The following IKBIP variants were observed in gnomAD, a reference collection of about 807,000 sequenced individuals.
IKBIP encodes inhibitor of nuclear factor kappa-B kinase-interacting protein.
In IKBIP, 28 loss-of-function variants were observed where a neutral mutation model predicts 31.0. The observed-to-expected ratio is 0.90, with a 90% CI of 0.67 to 1.24. The LOEUF (loss-of-function observed/expected upper bound fraction) is 1.24, where lower values mean the gene tolerates loss of function less well. Ranked by LOEUF, IKBIP falls within the 50% of genes most tolerant of loss-of-function variation. The pLI, the probability that IKBIP is intolerant of heterozygous loss-of-function variation, is 0.00. For synonymous variants in IKBIP, 164 were observed against 160.3 expected (o/e 1.02, Z -0.17); for missense variants, 453 against 441.9 (o/e 1.03, Z -0.23).
At chr12:98,618,534 G>A (rs1215956611) in intron 2 of IKBIP, among the ~76,000 whole-genome samples, 1 of 151,844 alleles carries the variant, frequency 6.6e-6, no homozygotes, top group South Asian at 2.1e-4. Context: ...GCTGAAGTAG[G>A]AGAATGGCGT....
intron 2 of IKBIP, among the ~76,000 whole-genome samples, chr12:98,627,887 G>C (rs2097616351): frequency 6.6e-6 from 1 of 152,144 alleles, no homozygotes; most frequent in Non-Finnish European, 1.5e-5. Context: ...CTAGAATCAG[G>C]TCTTACAGAT....
intron 2 of IKBIP, chr12:98,614,393 T>G: frequency 1.1e-6 from 1 of 926,500 alleles, no homozygotes; most frequent in Non-Finnish European, 1.5e-6. Context: ...GCTTACCATT[T>G]AAAATTCATC....
Position 98,626,226 on chromosome 12 carries a change from T to C in IKBIP, c.838A>G (p.Ile280Val), listed in dbSNP as rs548309275. Residue 280 changes from isoleucine (I) to valine (V), a missense_variant, in exon 3 of 3, where the codon ATT (isoleucine) becomes GTT (valine). By Grantham distance (29) the Ile-to-Val change is conservative (BLOSUM62 3). Coordinates refer to ENST00000299157, the MANE Select transcript of IKBIP (RefSeq NM_153687.4). ...TGAGAGACTCTGAGAACAGAGTGAA[T>C]AGCACTTTCAATTGTTGGCAAATGT... The part of the protein sequence containing the change: ...KTHLPTIESA[I>V]HSVLRVSQDL... 67 of 1,614,186 alleles carry C rather than the reference T, an allele frequency of 4.2e-5. No homozygotes were observed. The South Asian group carries it at 6.3e-4, about 15-fold the overall frequency.
chr12:98,627,967 T>G (rs1183463352), intron 2 of IKBIP, among the ~76,000 whole-genome samples: 1 of 152,224 alleles, frequency 6.6e-6, no homozygotes, highest in Non-Finnish European at 1.5e-5. Context: ...GTGTTTTAAG[T>G]ATTTGTAAAT....
At position 98,624,961 on chromosome 12, in the gene IKBIP, C is replaced by T. The variant is rs1013409486; in HGVS notation, c.*969G>A. 2.7e-5 allele frequency: 8 copies of T among 300,886 alleles called. No homozygotes were observed. In the South Asian group the frequency reaches 7.8e-4, roughly 29 times the overall value. 18.6% of individuals were successfully genotyped at this position (300,886 alleles called of 1,614,324 possible). ...CTGGGACTACAGGCACCCACCACCACGCCTGGCTAATTTTTTGTATTTTTT... is the reference window on the plus strand; with the variant it reads ...CTGGGACTACAGGCACCCACCACCATGCCTGGCTAATTTTTTGTATTTTTT... On this transcript the variant is annotated 3_prime_UTR_variant, in exon 3 of 3. Coordinates refer to ENST00000299157, the MANE Select transcript of IKBIP (RefSeq NM_153687.4).
At chr12:98,635,261 C>T (rs1370704061) in intron 1 of IKBIP, among the ~76,000 whole-genome samples, 2 of 152,072 alleles carry the variant, frequency 1.3e-5, no homozygotes, top group South Asian at 4.1e-4. Flanking sequence ...GCCTTGGCCT[C>T]CCAAAGTGCT....
At chr12:98,637,087 G>C (rs2097626376) in intron 1 of IKBIP, among the ~76,000 whole-genome samples, 1 of 152,048 alleles carries the variant, frequency 6.6e-6, no homozygotes, top group Admixed American at 6.6e-5. Flanking sequence ...ATACATTAAT[G>C]AACTTTCTCA....
At chr12:98,617,738 A>G (rs1271781842) in intron 2 of IKBIP, among the ~76,000 whole-genome samples, 2 of 152,242 alleles carry the variant, frequency 1.3e-5, no homozygotes, top group Non-Finnish European at 2.9e-5. Context: ...ATTAAGAAAC[A>G]AATGTAAAAT....
chr12:98,626,185 T>C lies in IKBIP; in HGVS notation c.879A>G (p.Thr293=), dbSNP rs1257303038. 2 of 1,613,866 alleles carry C rather than the reference T, an allele frequency of 1.2e-6. No homozygotes were observed. The highest frequency in any genetic ancestry group is 2.2e-5 in the South Asian group (2 of 91,036). The stretch of plus-strand genomic sequence containing the variant: ...TAGTCAAGTCTTCCATTTTCTTTTC[T>C]GTTTCTATCAGATCCTGAGAGACTC... ...VLRVSQDLIE[T]EKKMEDLTMQ... The change falls in exon 3 of 3, where the codon ACA becomes ACG. Residue 293 remains threonine (T), a synonymous_variant. Transcript: ENST00000299157.
rs2097614207 is a variant in IKBIP at position 98,626,268 on chromosome 12, C to T, written c.796G>A (p.Val266Ile). ...TNKLSDYEPKVEECKTHLPTI... is the reference protein window; with the variant it reads ...TNKLSDYEPKIEECKTHLPTI... Reference sequence around the variant, plus strand: ...GGCAAATGTGTCTTGCATTCTTCAACTTTGGGTTCGTAGTCGGAAAGTTTA... The same window carrying T: ...GGCAAATGTGTCTTGCATTCTTCAATTTTGGGTTCGTAGTCGGAAAGTTTA... The change falls in exon 3 of 3, where the codon GTT becomes ATT. Residue 266 changes from valine to isoleucine, a missense_variant. Transcript: ENST00000299157. 1 of 1,614,140 alleles carries T rather than the reference C, an allele frequency of 6.2e-7. No homozygotes were observed. Among genetic ancestry groups the T allele is most frequent in the East Asian group, 2.2e-5 (1 of 44,872 alleles).
At chr12:98,628,097 T>G (rs2153297716) in intron 2 of IKBIP, among the ~76,000 whole-genome samples, 1 of 152,328 alleles carries the variant, frequency 6.6e-6, no homozygotes, top group Non-Finnish European at 1.5e-5. Context: ...CTAGAAATAA[T>G]CATTAATTTA....
At chr12:98,623,877 A>C (rs1592990951), downstream of IKBIP, among the ~76,000 whole-genome samples, 1 of 151,154 alleles carries the variant, frequency 6.6e-6, no homozygotes. Context: ...AATGGAAGAA[A>C]GAGAGAAAGA....
At chr12:98,630,962 C>G (rs1328287099) in intron 2 of IKBIP, among the ~76,000 whole-genome samples, 1 of 150,252 alleles carries the variant, frequency 6.7e-6, no homozygotes, top group African/African-American at 2.4e-5. Flanking sequence ...GACGGAGTTT[C>G]GCTCTTGTTG....
chr12:98,642,537 A>G (rs2153301329), intron 1 of IKBIP, among the ~76,000 whole-genome samples: 1 of 150,946 alleles, frequency 6.6e-6, no homozygotes, highest in South Asian at 2.1e-4. Flanking sequence ...AATTCAGTAC[A>G]TTTATTCCTT....
chr12:98,632,483 G>GA lies in IKBIP; in HGVS notation c.297+1812dup, dbSNP rs71081871. Among the ~76,000 whole-genome samples the GA allele has an allele frequency of 2.1e-3, 24 of 11,570 alleles. 5 individuals carry two copies. The highest frequency in any genetic ancestry group is 2.8e-3 in the Admixed American group (1 of 360). 7.6% of individuals were successfully genotyped at this position (11,570 alleles called of 152,430 possible). A position where few individuals can be genotyped will look rare whatever the true frequency, so the allele number is the denominator to read the frequency against. ...GGGATGACAGGGAGAGACTCTATCT[G>GA]AAAAAAAAAAAAAAAAAAAAAAAAA... On this transcript the variant is annotated intron_variant, in intron 2 of 2. Transcript: ENST00000299157.
Position 98,626,537 on chromosome 12 carries a change from T to G in IKBIP, c.527A>C (p.Glu176Ala). The G allele has an allele frequency of 6.2e-7, 1 of 1,613,088 alleles. No individual in the cohort carries two copies. Among genetic ancestry groups the G allele is most frequent in the African/African-American group, 1.3e-5 (1 of 75,024 alleles). ...MNINTDIFKSEAKHIHSQVTV... is the reference protein window; with the variant it reads ...MNINTDIFKSAAKHIHSQVTV... ...TACTTGAGAATGTATATGTTTTGCT[T>G]CTGATTTGAAAATGTCTGTATTAAT... Residue 176 changes from glutamate to alanine, a missense_variant, in exon 3 of 3, where the codon GAA becomes GCA. Transcript: ENST00000299157.
intron 2 of IKBIP, among the ~76,000 whole-genome samples, chr12:98,617,451 T>C (rs549348039): frequency 6.6e-6 from 1 of 152,370 alleles, no homozygotes; most frequent in South Asian, 2.1e-4. Flanking sequence ...GTGATGGTCC[T>C]GTGTCTGTGC....
At chr12:98,619,566 C>T (rs1225457611), downstream of IKBIP, among the ~76,000 whole-genome samples, 1 of 151,948 alleles carries the variant, frequency 6.6e-6, no homozygotes, top group Non-Finnish European at 1.5e-5. Flanking sequence ...TTTGGTTAAC[C>T]TATTTGCCTA....
At chr12:98,614,595 T>C (rs2097605256) in intron 2 of IKBIP, among the ~76,000 whole-genome samples, 1 of 151,994 alleles carries the variant, frequency 6.6e-6, no homozygotes, top group Non-Finnish European at 1.5e-5. Context: ...AGCTAACTTT[T>C]TTTGTATTTT....
Sources: gnomAD v4.1 joint callset for allele counts (sites outside exome capture counted in the v4.1 genomes callset) on GRCh38, gnomAD v4.1.1 for gene constraint, MANE v1.5 for transcripts, NCBI Gene and HGNC (gene_info 2026-07-23, HGNC 2026-07-21) for gene names.